Variants in G6PC1 observed in about 807,000 individuals in gnomAD.
The protein encoded by G6PC1 is glucose-6-phosphatase catalytic subunit 1, also known as G-6-Pase.
G6PC1 carries 23 observed loss-of-function variants against 30.4 expected under a neutral mutation model. That is an observed-to-expected ratio of 0.76 (90% confidence interval 0.55 to 1.07). The LOEUF (loss-of-function observed/expected upper bound fraction) is 1.07. Among genes scored for constraint, G6PC1 ranks in the 50% least tolerant of loss-of-function variants. The pLI, the probability that G6PC1 is intolerant of heterozygous loss-of-function variation, is 0.00. For synonymous variants in G6PC1, 163 were observed against 175.6 expected (o/e 0.93, Z 0.57); for missense variants, 391 against 433.9 (o/e 0.90, Z 0.88).
At chr17:42,902,889 G>A (rs1597987812) in intron 1 of G6PC1, among the ~76,000 whole-genome samples, 1 of 152,002 alleles carries the variant, frequency 6.6e-6, no homozygotes, top group African/African-American at 2.4e-5. Flanking sequence ...TCCCTGGGGG[G>A]GGCTCGTCCT....
chr17:42,909,744 A>G (rs1458709372), intron 4 of G6PC1, among the ~76,000 whole-genome samples: 3 of 152,210 alleles, frequency 2.0e-5, no homozygotes, highest in Non-Finnish European at 2.9e-5. Flanking sequence ...GAATCTGCCA[A>G]ATTTAACAAA....
chr17:42,911,172 G>T lies in G6PC1; in HGVS notation c.820G>T (p.Ala274Ser). Reference sequence around the variant, plus strand: ...GGGCACGCTCTTTGGCCTGGGGCTGGCTCTCAACTCCAGCATGTACAGGGA... The same window carrying T: ...GGGCACGCTCTTTGGCCTGGGGCTGTCTCTCAACTCCAGCATGTACAGGGA... ...NLGTLFGLGL[A>S]LNSSMYRESC... The change falls in exon 5 of 5, where the codon GCT (alanine) becomes TCT (serine). Residue 274 changes from alanine to serine, a missense_variant. Ala to Ser is a moderately conservative substitution (Grantham distance 99). Coordinates refer to ENST00000253801, the MANE Select transcript of G6PC1 (RefSeq NM_000151.4). 6.2e-7 allele frequency: 1 copy of T among 1,614,108 alleles called. No individual in the cohort carries two copies.
At chr17:42,902,344 T>C (rs1363976379) in intron 1 of G6PC1, among the ~76,000 whole-genome samples, 1 of 152,044 alleles carries the variant, frequency 6.6e-6, no homozygotes, top group Non-Finnish European at 1.5e-5. Flanking sequence ...GCCTCTCCGG[T>C]TCAAGTGATT....
chr17:42,907,399 T>A (rs1382226603), intron 2 of G6PC1, 124 bp from the exon 3 acceptor site: 2 of 652,964 alleles, frequency 3.1e-6, no homozygotes, highest in Admixed American at 2.3e-5. Flanking sequence ...GGATGGGGGG[T>A]GAATGGATGG....
Position 42,913,197 on chromosome 17 carries a change from G to A in G6PC1, c.*1771G>A, listed in dbSNP as rs2056107434. ...AAAGCTGAAGCCTATTTATTTGAAA[G>A]TCCTTGTTTTTGCTACTAATTATAT... is the stretch of plus-strand genomic sequence containing the variant. On this transcript the variant is annotated 3_prime_UTR_variant, in exon 5 of 5. Coordinates refer to ENST00000253801, the MANE Select transcript of G6PC1 (RefSeq NM_000151.4). 6.6e-6 allele frequency: 1 copy of A among 151,990 alleles called. No individual in the cohort carries two copies. The highest frequency in any genetic ancestry group is 1.5e-5 in the Non-Finnish European group (1 of 68,012). The allele number at this position is 151,990 out of a possible 1,614,324, so 9.4% of individuals were successfully genotyped here.
rs940311557 is a variant in G6PC1, at chr17:42,913,262, C to T, written c.*1836C>T. On this transcript the variant is annotated 3_prime_UTR_variant, in exon 5 of 5. Transcript: ENST00000253801. ...TATCATTCAAAACAACCATCCTGCT[C>T]ATAACATCTTTGAAAAGAAAAATAT... 3 of 152,158 alleles carry T rather than the reference C, an allele frequency of 2.0e-5. No homozygotes were observed. The highest frequency in any genetic ancestry group is 4.4e-5 in the Non-Finnish European group (3 of 68,040). The allele number at this position is 152,158 out of a possible 1,614,324, so 9.4% of individuals were successfully genotyped here.
rs375219700 is a variant in G6PC1, at chr17:42,904,004, A to T, written c.304A>T (p.Ile102Leu). ...CTACAGCAACACTTCCGTGCCCCTG[A>T]TAAAGCAGTTCCCTGTAACCTGTGA... The part of the protein sequence containing the change: ...DYYSNTSVPL[I>L]KQFPVTCETG... The change falls in exon 2 of 5, where the codon ATA becomes TTA. Residue 102 changes from isoleucine to leucine, a missense_variant. Transcript: ENST00000253801. The T allele has an allele frequency of 1.9e-6, 3 of 1,613,968 alleles. No homozygotes were observed. The African/African-American group carries it at 4.0e-5, about 22-fold the overall frequency.
intron 3 of G6PC1, 44 bp downstream of exon 3, chr17:42,907,672 C>A: frequency 7.4e-7 from 1 of 1,354,596 alleles, no homozygotes; most frequent in East Asian, 2.3e-5. Context: ...GGGCAGGAGG[C>A]AGCTCTCTCT....
In G6PC1 at chr17:42,911,544, T is replaced by C; in HGVS notation, c.*118T>C. 1 of 1,494,826 alleles carries C rather than the reference T, an allele frequency of 6.7e-7. No individual in the cohort carries two copies. Among genetic ancestry groups the C allele is most frequent in the Non-Finnish European group, 9.2e-7 (1 of 1,087,508 alleles). The allele number at this position is 1,494,826 out of a possible 1,614,324, so 92.6% of individuals were successfully genotyped here. On this transcript the variant is annotated 3_prime_UTR_variant, in exon 5 of 5. Coordinates refer to ENST00000253801, the MANE Select transcript of G6PC1 (RefSeq NM_000151.4). ...AAGTGACATGCCATCCATTCTGCCG[T>C]CGTGGAATTAAATCACGGATGGCAG... is the stretch of plus-strand genomic sequence containing the variant.
At position 42,913,235 on chromosome 17, in the gene G6PC1, A is replaced by C. The variant is rs1369200395; in HGVS notation, c.*1809A>C. 6.6e-6 allele frequency: 1 copy of C among 152,226 alleles called. No individual in the cohort carries two copies. The highest frequency in any genetic ancestry group is 6.5e-5 in the Admixed American group (1 of 15,270). The allele number at this position is 152,226 out of a possible 1,614,324, so 9.4% of individuals were successfully genotyped here. A position where few individuals can be genotyped will look rare whatever the true frequency, so the allele number is the denominator to read the frequency against. ...CTACTAATTATATAGTATACCATAC[A>C]TTATCATTCAAAACAACCATCCTGC... On this transcript the variant is annotated 3_prime_UTR_variant, in exon 5 of 5. Transcript: ENST00000253801.
At chr17:42,909,645 G>A (rs973428415) in intron 4 of G6PC1, among the ~76,000 whole-genome samples, 5 of 152,040 alleles carry the variant, frequency 3.3e-5, no homozygotes, top group South Asian at 2.1e-4. Context: ...TCAAATTAAC[G>A]CACCAAATTG....
chr17:42,903,499 A>C (rs2056039949), intron 1 of G6PC1, among the ~76,000 whole-genome samples: 1 of 151,672 alleles, frequency 6.6e-6, no homozygotes, highest in South Asian at 2.1e-4. Context: ...GGATTGCCTG[A>C]GTTCAGGAGA....
In G6PC1 at chr17:42,911,132, C is replaced by A. The variant is rs748610705; in HGVS notation, c.780C>A (p.Ser260Arg). 1.2e-6 allele frequency: 2 copies of A among 1,614,124 alleles called. No individual in the cohort carries two copies. The highest frequency in any genetic ancestry group is 1.7e-6 in the Non-Finnish European group (2 of 1,180,014). The change falls in exon 5 of 5, where the codon AGC (serine) becomes AGA (arginine). Residue 260 changes from serine (S) to arginine (R), a missense_variant. Transcript: ENST00000253801. Reference sequence around the variant, plus strand: ...ACATTGACACCACACCCTTTGCCAGCCTCCTCAAGAACCTGGGCACGCTCT... The same window carrying A: ...ACATTGACACCACACCCTTTGCCAGACTCCTCAAGAACCTGGGCACGCTCT... ...WVHIDTTPFA[S>R]LLKNLGTLFG...
chr17:42,904,115 G>A (rs1324534139), intron 2 of G6PC1, 75 bp downstream of exon 2: 8 of 955,314 alleles, frequency 8.4e-6, no homozygotes, highest in Admixed American at 5.1e-5. Flanking sequence ...TGACCTTGAG[G>A]GGACATGAGG....
Position 42,900,988 on chromosome 17 carries a change from G to T in G6PC1, c.112G>T (p.Asp38Tyr). 1.2e-6 allele frequency: 2 copies of T among 1,614,146 alleles called. No individual in the cohort carries two copies. The highest frequency in any genetic ancestry group is 1.7e-6 in the Non-Finnish European group (2 of 1,180,018). Residue 38 changes from aspartate (D) to tyrosine (Y), a missense_variant, in exon 1 of 5, where the codon GAC becomes TAC. Transcript: ENST00000253801. Reference protein sequence around the residue: ...DWFILVSVIADLRNAFYVLFP... With the variant: ...DWFILVSVIAYLRNAFYVLFP... Reference sequence around the variant, plus strand: ...GTTCATCTTGGTGTCCGTGATCGCAGACCTCAGGAATGCCTTCTACGTCCT... The same window carrying T: ...GTTCATCTTGGTGTCCGTGATCGCATACCTCAGGAATGCCTTCTACGTCCT...
intron 2 of G6PC1, among the ~76,000 whole-genome samples, chr17:42,906,555 T>G (rs940502415): frequency 5.9e-5 from 9 of 152,104 alleles, no homozygotes; most frequent in Non-Finnish European, 1.3e-4. Context: ...CAGGACCCTC[T>G]ATCTCTCAGG....
intron 3 of G6PC1, among the ~76,000 whole-genome samples, chr17:42,908,040 T>G (rs1309083551): frequency 1.3e-5 from 2 of 152,184 alleles, no homozygotes; most frequent in Admixed American, 6.5e-5. Flanking sequence ...CCTTTTTATT[T>G]TTATTTTTGA....
intron 1 of G6PC1, among the ~76,000 whole-genome samples, chr17:42,902,212 G>A (rs542884760): frequency 1.1e-4 from 17 of 152,186 alleles, no homozygotes; most frequent in African/African-American, 3.6e-4. Flanking sequence ...TTTCTATCAC[G>A]TAAACATTCC....
chr17:42,902,811 C>T (rs189129563), intron 1 of G6PC1, among the ~76,000 whole-genome samples: 24 of 152,058 alleles, frequency 1.6e-4, no homozygotes, highest in Admixed American at 2.6e-4. Context: ...AGAGAGGATA[C>T]AGAACAAGCA....
Sources: allele counts gnomAD v4.1 joint callset (sites outside exome capture counted in the v4.1 genomes callset), GRCh38; gene constraint gnomAD v4.1.1; transcripts MANE v1.5; gene names NCBI Gene and HGNC (gene_info 2026-07-23, HGNC 2026-07-21).